CNTNAP2: variants seen among roughly 807,000 people sequenced by gnomAD.
CNTNAP2 encodes contactin associated protein 2.
In CNTNAP2, 98 loss-of-function variants were observed where a neutral mutation model predicts 155.2. The ratio of observed to expected loss-of-function variants is 0.63; its 90% confidence interval spans 0.54 to 0.75. The LOEUF (loss-of-function observed/expected upper bound fraction) is 0.75, where lower values mean the gene tolerates loss of function less well. Ranked by LOEUF, CNTNAP2 falls within the 30% of genes least tolerant of loss-of-function variation. The probability of loss-of-function intolerance (pLI) is 0.00; values close to 1 mark genes in which losing one functional copy is unlikely to be tolerated. For missense variants in CNTNAP2, 1,727 were observed against 1,688.1 expected, an observed-to-expected ratio of 1.02 and a Z score of -0.40; for synonymous variants, 651 against 631.2, an observed-to-expected ratio of 1.03 and a Z score of -0.47.
chr7:146,815,946 G>A (rs1421089422), intron 2 of CNTNAP2, among the ~76,000 whole-genome samples: 1 of 152,130 alleles, frequency 6.6e-6, no homozygotes, highest in Non-Finnish European at 1.5e-5. Flanking sequence ...TGTGCATGAT[G>A]ATCCCCGCCC....
intron 20 of CNTNAP2, among the ~76,000 whole-genome samples, chr7:148,240,732 C>G (rs1796129310): frequency 6.6e-6 from 1 of 152,162 alleles, no homozygotes; most frequent in Non-Finnish European, 1.5e-5. Context: ...GGAAGCCAGT[C>G]AGATTCCTAA....
chr7:146,791,984 T>G (rs1263534292), intron 2 of CNTNAP2, among the ~76,000 whole-genome samples: 1 of 152,184 alleles, frequency 6.6e-6, no homozygotes, highest in Non-Finnish European at 1.5e-5. Context: ...AAAAGTGTGG[T>G]TGATTTCTTC....
chr7:148,370,486 T>C (rs1798866655), intron 21 of CNTNAP2, among the ~76,000 whole-genome samples: 1 of 152,174 alleles, frequency 6.6e-6, no homozygotes, highest in South Asian at 2.1e-4. Flanking sequence ...CAAAAGGTCA[T>C]TCAACCCCAT....
chr7:148,165,758 C>G (rs577256439), intron 17 of CNTNAP2, among the ~76,000 whole-genome samples: 1 of 151,974 alleles, frequency 6.6e-6, no homozygotes, highest in African/African-American at 2.4e-5. Flanking sequence ...CTTGCTGCCT[C>G]CCATACATCA....
At chr7:147,627,135 G>A (rs1268894559) in intron 12 of CNTNAP2, among the ~76,000 whole-genome samples, 1 of 152,130 alleles carries the variant, frequency 6.6e-6, no homozygotes, top group Non-Finnish European at 1.5e-5. Context: ...CCACATCAAG[G>A]GATCACCCTG....
At chr7:146,301,162 G>A (rs1190929322) in intron 1 of CNTNAP2, among the ~76,000 whole-genome samples, 1 of 152,138 alleles carries the variant, frequency 6.6e-6, no homozygotes. Flanking sequence ...ATACAATTTA[G>A]GGATAGTTGT....
intron 5 of CNTNAP2, among the ~76,000 whole-genome samples, chr7:147,117,607 A>G (rs1801015768): frequency 2.0e-5 from 3 of 151,788 alleles, no homozygotes; most frequent in African/African-American, 7.3e-5. Context: ...CCCCTGTCTC[A>G]CCTGTTTCTC....
chr7:146,928,637 G>A (rs533928177), intron 3 of CNTNAP2, among the ~76,000 whole-genome samples: 2 of 152,342 alleles, frequency 1.3e-5, no homozygotes, highest in African/African-American at 4.8e-5. Flanking sequence ...GCGAGGCATT[G>A]CCTCACTCGG....
intron 1 of CNTNAP2, among the ~76,000 whole-genome samples, chr7:146,132,546 C>T (rs1463046547): frequency 2.8e-5 from 4 of 144,746 alleles, no homozygotes; most frequent in Non-Finnish European, 6.1e-5. Context: ...GGTATATCTC[C>T]CAATGCTATC....
At chr7:146,951,427 G>C (rs533853631) in intron 3 of CNTNAP2, among the ~76,000 whole-genome samples, 1 of 152,086 alleles carries the variant, frequency 6.6e-6, no homozygotes, top group African/African-American at 2.4e-5. Flanking sequence ...TATGGTTTTA[G>C]GTCTTATATT....
chr7:146,690,311 A>T (rs2533108), intron 1 of CNTNAP2, among the ~76,000 whole-genome samples: 124,674 of 152,096 alleles, frequency 0.82, 51,766 homozygotes, highest in South Asian at 0.92. Context: ...ACCAATCATG[A>T]CACTTCTTTC....
chr7:147,187,771 A>G (rs913626939), intron 8 of CNTNAP2, among the ~76,000 whole-genome samples: 1 of 152,194 alleles, frequency 6.6e-6, no homozygotes, highest in African/African-American at 2.4e-5. Context: ...TAATCGATAC[A>G]TAAAATAAAG....
At chr7:146,135,407 A>C (rs966651434) in intron 1 of CNTNAP2, among the ~76,000 whole-genome samples, 3 of 152,108 alleles carry the variant, frequency 2.0e-5, no homozygotes, top group Non-Finnish European at 4.4e-5. Context: ...GTTATGAGAG[A>C]ATAAAACTAG....
intron 9 of CNTNAP2, among the ~76,000 whole-genome samples, chr7:147,394,088 G>T (rs1320085956): frequency 6.6e-6 from 1 of 151,980 alleles, no homozygotes; most frequent in Non-Finnish European, 1.5e-5. Flanking sequence ...TCATGGGAGA[G>T]ACCCACTGGG....
chr7:146,324,802 T>C (rs1801069078), intron 1 of CNTNAP2, among the ~76,000 whole-genome samples: 1 of 151,680 alleles, frequency 6.6e-6, no homozygotes, highest in Admixed American at 6.6e-5. Flanking sequence ...TGTGCTGATA[T>C]AAAACTATTT....
intron 13 of CNTNAP2, among the ~76,000 whole-genome samples, chr7:147,728,309 C>T (rs1295068867): frequency 1.3e-5 from 2 of 151,910 alleles, no homozygotes; most frequent in Non-Finnish European, 2.9e-5. Context: ...TCAGGTGAAG[C>T]GAAGTTCGGA....
At chr7:148,379,791 C>T (rs757753936) in intron 21 of CNTNAP2, among the ~76,000 whole-genome samples, 13 of 152,182 alleles carry the variant, frequency 8.5e-5, no homozygotes, top group Non-Finnish European at 1.9e-4. Flanking sequence ...AGCATGTACA[C>T]GAGGCCCCAA....
chr7:147,195,485 G>C (rs1364550291), intron 8 of CNTNAP2, among the ~76,000 whole-genome samples: 1 of 152,014 alleles, frequency 6.6e-6, no homozygotes, highest in Admixed American at 6.6e-5. Context: ...TTTCATGGGA[G>C]TATCATTGAA....
intron 3 of CNTNAP2, among the ~76,000 whole-genome samples, chr7:146,943,462 A>G (rs2129226163): frequency 6.6e-6 from 1 of 152,346 alleles, no homozygotes; most frequent in African/African-American, 2.4e-5. Flanking sequence ...ACTGCACTCC[A>G]GCCTGGGTGA....
Sources: gnomAD v4.1 joint callset for allele counts (sites outside exome capture counted in the v4.1 genomes callset) on GRCh38, gnomAD v4.1.1 for gene constraint, MANE v1.5 for transcripts, NCBI Gene and HGNC (gene_info 2026-07-23, HGNC 2026-07-21) for gene names.